Variants in MAGI1 observed in about 807,000 individuals in gnomAD.
MAGI1 encodes membrane associated guanylate kinase, WW and PDZ domain containing 1, also known as membrane-associated guanylate kinase, WW and PDZ domain-containing protein 1.
A neutral mutation model predicts 139.9 loss-of-function variants in MAGI1; 58 were observed. The ratio of observed to expected loss-of-function variants is 0.41; its 90% CI spans 0.34 to 0.52. The LOEUF is 0.52. Ranked by LOEUF, MAGI1 falls within the 20% of genes least tolerant of loss-of-function variation. The pLI is 0.12. For missense variants in MAGI1, 1,874 were observed against 1,901.6 expected, an observed-to-expected ratio of 0.99 and a Z score of 0.27; for synonymous variants, 812 against 737.9, an observed-to-expected ratio of 1.10 and a Z score of -1.63.
At chr3:65,883,189 T>C (rs563030009) in intron 1 of MAGI1, among the ~76,000 whole-genome samples, 2 of 152,252 alleles carry the variant, frequency 1.3e-5, no homozygotes, top group South Asian at 2.1e-4. Context: ...TTTAAAAGCA[T>C]ATGTTCGAAA....
chr3:65,590,057 C>T (rs1308583321), intron 2 of MAGI1, among the ~76,000 whole-genome samples: 1 of 152,144 alleles, frequency 6.6e-6, no homozygotes, highest in African/African-American at 2.4e-5. Flanking sequence ...CGTCCTCTTC[C>T]AGGAATGTCT....
In MAGI1 at chr3:65,880,908, C is replaced by CGTGT. The variant is rs11271375; in HGVS notation, c.313+157084_313+157087dup. ...TTCATGGGAAATAAAATATCTCTGG[C>CGTGT]GTGTGTGTGTGTGTGTGTGTGTGTG... On this transcript the variant is annotated intron_variant, in intron 1 of 22. Transcript: ENST00000402939. Among the ~76,000 whole-genome samples, 1,429 of 145,670 alleles carry CGTGT rather than the reference C, an allele frequency of 9.8e-3. 26 individuals carry two copies. The highest frequency in any genetic ancestry group is 0.032 in the African/African-American group (1,266 of 39,056).
intron 1 of MAGI1, among the ~76,000 whole-genome samples, chr3:65,804,287 A>AC (rs1491023905): frequency 3.6e-4 from 51 of 142,810 alleles, no homozygotes; most frequent in Middle Eastern, 3.6e-3. Context: ...AAAAAAAAAA[A>AC]ACACACACAG....
At chr3:65,604,945 A>G (rs1013515030) in intron 2 of MAGI1, among the ~76,000 whole-genome samples, 2 of 152,226 alleles carry the variant, frequency 1.3e-5, no homozygotes, top group East Asian at 3.9e-4. Context: ...AATGTACTCA[A>G]ATGGGCTCTT....
intron 1 of MAGI1, among the ~76,000 whole-genome samples, chr3:65,790,565 A>G (rs561321391): frequency 6.6e-6 from 1 of 152,266 alleles, no homozygotes; most frequent in African/African-American, 2.4e-5. Flanking sequence ...AAGACGGCCT[A>G]TTTTTCCTAC....
At chr3:65,637,030 G>A (rs950144164) in intron 1 of MAGI1, among the ~76,000 whole-genome samples, 1 of 152,170 alleles carries the variant, frequency 6.6e-6, no homozygotes, top group African/African-American at 2.4e-5. Context: ...CTTTGTCACT[G>A]TGAATTTGTT....
chr3:65,676,526 C>T (rs1375622713), intron 1 of MAGI1, among the ~76,000 whole-genome samples: 3 of 151,944 alleles, frequency 2.0e-5, no homozygotes, highest in African/African-American at 7.3e-5. Flanking sequence ...AAAAACACTC[C>T]AATTAAAAAT....
At chr3:65,454,242 C>G (rs1949230789) in intron 5 of MAGI1, among the ~76,000 whole-genome samples, 1 of 152,032 alleles carries the variant, frequency 6.6e-6, no homozygotes, top group Admixed American at 6.6e-5. Context: ...GACATGAAAA[C>G]AAATTGGAAA....
At chr3:65,782,005 A>T (rs2038976244) in intron 1 of MAGI1, among the ~76,000 whole-genome samples, 1 of 152,196 alleles carries the variant, frequency 6.6e-6, no homozygotes, top group Non-Finnish European at 1.5e-5. Context: ...ATTCTGGGGG[A>T]TGGCATGCAT....
chr3:65,450,718 A>C (rs2107484421), intron 6 of MAGI1, among the ~76,000 whole-genome samples: 1 of 152,336 alleles, frequency 6.6e-6, no homozygotes, highest in East Asian at 1.9e-4. Flanking sequence ...ATTCACTAAC[A>C]TCAAAATCTC....
chr3:65,874,732 G>C (rs950482138), intron 1 of MAGI1: 11 of 152,188 alleles, frequency 7.2e-5, no homozygotes, highest in Non-Finnish European at 1.5e-4. Context: ...GTTTCCATTT[G>C]AACCAGCAAT....
At chr3:65,865,264 T>C (rs2059683460) in intron 1 of MAGI1, among the ~76,000 whole-genome samples, 1 of 151,964 alleles carries the variant, frequency 6.6e-6, no homozygotes, top group Admixed American at 6.5e-5. Flanking sequence ...TGAGCCAATA[T>C]AAAAAATCAG....
chr3:65,841,429 C>G (rs995312585), intron 1 of MAGI1, among the ~76,000 whole-genome samples: 3 of 142,004 alleles, frequency 2.1e-5, no homozygotes, highest in Non-Finnish European at 3.0e-5. Context: ...TTTTGTTTTG[C>G]TTTTTGTTTT....
At chr3:65,800,665 G>C (rs576158822) in intron 1 of MAGI1, among the ~76,000 whole-genome samples, 1 of 151,892 alleles carries the variant, frequency 6.6e-6, no homozygotes, top group South Asian at 2.1e-4. Flanking sequence ...TAAGAAATTG[G>C]CAAAATTGTT....
At chr3:65,552,284 G>A (rs935457090) in intron 2 of MAGI1, among the ~76,000 whole-genome samples, 2 of 151,576 alleles carry the variant, frequency 1.3e-5, no homozygotes, top group Non-Finnish European at 1.5e-5. Flanking sequence ...GTGTGTGTGT[G>A]TGTGTCCCCA....
chr3:65,840,582 G>GA (rs1183764269), intron 1 of MAGI1, among the ~76,000 whole-genome samples: 1 of 152,060 alleles, frequency 6.6e-6, no homozygotes, highest in African/African-American at 2.4e-5. Flanking sequence ...TCTAAATACT[G>GA]AACCAGCTTT....
intron 1 of MAGI1, among the ~76,000 whole-genome samples, chr3:65,715,822 G>A (rs940466320): frequency 1.3e-5 from 2 of 152,204 alleles, no homozygotes; most frequent in African/African-American, 2.4e-5. Context: ...TGCTGCTTAA[G>A]TAAAAAAGCA....
chr3:65,442,853 A>C lies in MAGI1; in HGVS notation c.1079-4T>G, dbSNP rs1410921614. On this transcript the variant is annotated splice_polypyrimidine_tract_variant and splice_region_variant and intron_variant, in intron 7 of 22. Coordinates refer to ENST00000402939, the MANE Select transcript of MAGI1 (RefSeq NM_001033057.2). ...TTTTCCCAACCAGCAGGCAGTTCTGAAAAATAAAAGAACATTTAGGGCAAG... is the reference window on the plus strand; with the variant it reads ...TTTTCCCAACCAGCAGGCAGTTCTGCAAAATAAAAGAACATTTAGGGCAAG... 1.2e-6 allele frequency: 2 copies of C among 1,612,388 alleles called. No homozygotes were observed. The highest frequency in any genetic ancestry group is 1.7e-6 in the Non-Finnish European group (2 of 1,178,806).
intron 1 of MAGI1, among the ~76,000 whole-genome samples, chr3:65,802,775 G>A (rs1347659324): frequency 4.6e-5 from 7 of 151,482 alleles, no homozygotes; most frequent in Non-Finnish European, 8.8e-5. Flanking sequence ...CTCAAGTACC[G>A]AATGCCTAAC....
Sources: gnomAD v4.1 joint callset for allele counts (sites outside exome capture counted in the v4.1 genomes callset) on GRCh38, gnomAD v4.1.1 for gene constraint, MANE v1.5 for transcripts, NCBI Gene and HGNC (gene_info 2026-07-23, HGNC 2026-07-21) for gene names.